Variants in SLC12A9 observed in about 807,000 individuals in gnomAD.
SLC12A9 encodes the protein solute carrier family 12 member 9, also known as CCC-interacting protein 1.
A neutral mutation model predicts 66.0 loss-of-function variants in SLC12A9; 55 were observed. That is an observed-to-expected ratio of 0.83 (90% CI 0.67 to 1.04). The LOEUF (loss-of-function observed/expected upper bound fraction) is 1.04, where lower values mean the gene tolerates loss of function less well. Ranked by LOEUF, SLC12A9 falls within the 50% of genes least tolerant of loss-of-function variation. SLC12A9 has a pLI of 0.00. For missense variants in SLC12A9, 1,061 were observed against 1,241.9 expected, an observed-to-expected ratio of 0.85 and a Z score of 2.19; for synonymous variants, 577 against 569.0, an observed-to-expected ratio of 1.01 and a Z score of -0.20.
At chr7:100,831,053 C>T (rs1296658340) in intron 1 of SLC12A9, among the ~76,000 whole-genome samples, 6 of 152,218 alleles carry the variant, frequency 3.9e-5, no homozygotes, top group African/African-American at 1.4e-4. Context: ...CTGTTCCCTA[C>T]CCAAAATATT....
At chr7:100,865,157 C>T (rs769021735) in intron 13 of SLC12A9, 92 of 1,058,450 alleles carry the variant, frequency 8.7e-5, no homozygotes, top group African/African-American at 2.7e-4. Context: ...AGCATTTCAC[C>T]GTATTGGCCA....
At chr7:100,856,498 G>A (rs1456260058) in intron 4 of SLC12A9, 9 of 185,394 alleles carry the variant, frequency 4.9e-5, no homozygotes, top group Admixed American at 5.9e-5. Flanking sequence ...GTGAGCCCCG[G>A]CGCCCTGCCC....
Position 100,861,778 on chromosome 7 carries a change from C to T in SLC12A9, c.1578C>T (p.His526=), listed in dbSNP as rs146144154. The change falls in exon 12 of 14, where the codon CAC becomes CAT. Residue 526 remains histidine, a synonymous_variant. Transcript: ENST00000354161. This position sits in a 1 kb window ranked among gnomAD's most constrained non-coding sequence, Gnocchi z 5.3. ...TTCGGCTGGACGTCCGGAAGGATCA[C>T]GTGAAGTTCTGGCGGCCCCAGCTGC... is the stretch of plus-strand genomic sequence containing the variant. The part of the protein sequence containing the change: ...YLLRLDVRKD[H]VKFWRPQLLL... 464 of 1,614,094 alleles carry T rather than the reference C, an allele frequency of 2.9e-4. No homozygotes were observed. In the African/African-American group the frequency reaches 3.2e-3, roughly 11 times the overall value.
At chr7:100,839,167 A>G (rs1433946938) in intron 1 of SLC12A9, among the ~76,000 whole-genome samples, 1 of 152,072 alleles carries the variant, frequency 6.6e-6, no homozygotes, top group African/African-American at 2.4e-5. Flanking sequence ...ACTAAAAAAT[A>G]CAAAAAAATT....
At chr7:100,852,020 G>A (rs1227100039), upstream of SLC12A9, among the ~76,000 whole-genome samples, 1 of 152,158 alleles carries the variant, frequency 6.6e-6, no homozygotes, top group African/African-American at 2.4e-5. Flanking sequence ...TTACATATGA[G>A]GACGCGTTGG....
At chr7:100,855,370 C>T in intron 3 of SLC12A9, 2 of 302,570 alleles carry the variant, frequency 6.6e-6, no homozygotes, top group Non-Finnish European at 1.3e-5. Flanking sequence ...GATCCTCCTG[C>T]CTCAGCCTCC....
chr7:100,840,910 T>G (rs563294868), intron 1 of SLC12A9, among the ~76,000 whole-genome samples: 1 of 152,054 alleles, frequency 6.6e-6, no homozygotes, highest in Non-Finnish European at 1.5e-5. Context: ...CACTGAGGCC[T>G]TCCTATCAAA....
In SLC12A9 at chr7:100,865,917, C is replaced by A; in HGVS notation, c.2057C>A (p.Thr686Lys). 6.2e-7 allele frequency: 1 copy of A among 1,613,442 alleles called. No individual in the cohort carries two copies. Among genetic ancestry groups the A allele is most frequent in the Non-Finnish European group, 8.5e-7 (1 of 1,179,980 alleles). ...RALNPQDYVATVADALKMNKN... is the reference protein window; with the variant it reads ...RALNPQDYVAKVADALKMNKN... ...CTCAATCCCCAGGACTATGTGGCCA[C>A]GGTGGCCGACGCCCTCAAGATGAAC... is the stretch of plus-strand genomic sequence containing the variant. The change falls in exon 14 of 14, where the codon ACG becomes AAG. Residue 686 changes from threonine (T) to lysine (K), a missense_variant. Thr to Lys is a moderately conservative substitution (Grantham distance 78). Transcript: ENST00000354161.
intron 1 of SLC12A9, among the ~76,000 whole-genome samples, chr7:100,829,655 G>C (rs1813505184): frequency 6.6e-6 from 1 of 152,112 alleles, no homozygotes; most frequent in African/African-American, 2.4e-5. Flanking sequence ...CTCCCTCGGG[G>C]TTCTCTGCAA....
chr7:100,866,191 G>A lies in SLC12A9; in HGVS notation c.2331G>A (p.Ala777=), dbSNP rs904723252. 1.5e-5 allele frequency: 24 copies of A among 1,611,596 alleles called. No individual in the cohort carries two copies. Among genetic ancestry groups the A allele is most frequent in the South Asian group, 4.4e-5 (4 of 91,000 alleles). Residue 777 remains alanine (A), a synonymous_variant, in exon 14 of 14, where the codon GCG becomes GCA. Coordinates refer to ENST00000354161, the MANE Select transcript of SLC12A9 (RefSeq NM_020246.4). This position sits in a 1 kb window ranked among gnomAD's most constrained non-coding sequence, Gnocchi z 7.3. ...TCCTGTGCCTGGGGCCTCGGGAGGCGCCTGGGGCGGCCGAGGGGCGGCTGC... is the reference window on the plus strand; with the variant it reads ...TCCTGTGCCTGGGGCCTCGGGAGGCACCTGGGGCGGCCGAGGGGCGGCTGC... ...RIFLCLGPRE[A]PGAAEGRLRA... is the part of the protein sequence containing the mutation.
upstream of SLC12A9, among the ~76,000 whole-genome samples, chr7:100,849,895 CAG>C (rs903081484): frequency 1.2e-4 from 18 of 149,460 alleles, no homozygotes; most frequent in Non-Finnish European, 2.2e-4. Context: ...TTTTTTGAGT[CAG>C]AGTCTCGCTC....
upstream of SLC12A9, among the ~76,000 whole-genome samples, chr7:100,848,620 T>C (rs147397717): frequency 0.025 from 3,804 of 152,090 alleles, 164 homozygotes; most frequent in African/African-American, 0.087. Flanking sequence ...GGCGCAGTGG[T>C]TCACGCCTGT....
At chr7:100,856,114 T>C (rs1041538973) in intron 4 of SLC12A9, 1 of 265,184 alleles carries the variant, frequency 3.8e-6, no homozygotes, top group South Asian at 7.0e-5. Flanking sequence ...AGGATGGAGC[T>C]AAGAGGGAAG....
intron 1 of SLC12A9, among the ~76,000 whole-genome samples, chr7:100,838,700 T>G (rs866718804): frequency 1.5e-4 from 23 of 152,222 alleles, no homozygotes; most frequent in African/African-American, 5.3e-4. Flanking sequence ...GCATTTTTAG[T>G]AAAGGAGGAG....
At chr7:100,837,699 G>T (rs559532757) in intron 1 of SLC12A9, 1 of 152,176 alleles carries the variant, frequency 6.6e-6, no homozygotes, top group Non-Finnish European at 1.5e-5. Context: ...TCTCTCTGTT[G>T]CCTAGGCTGA....
chr7:100,837,580 C>T (rs1813687226), intron 1 of SLC12A9: 1 of 152,250 alleles, frequency 6.6e-6, no homozygotes, highest in South Asian at 2.1e-4. Context: ...CGGAGGATTC[C>T]TGCAGCCACA....
At chr7:100,839,009 T>TA (rs563681671) in intron 1 of SLC12A9, among the ~76,000 whole-genome samples, 125 of 152,032 alleles carry the variant, frequency 8.2e-4, no homozygotes, top group African/African-American at 2.8e-3. Context: ...TGCACCCCCT[T>TA]AGAGTTGTGA....
chr7:100,835,341 C>T (rs1330917167), intron 1 of SLC12A9, among the ~76,000 whole-genome samples: 13 of 138,612 alleles, frequency 9.4e-5, no homozygotes, highest in East Asian at 2.1e-4. Flanking sequence ...GGCAACAAAG[C>T]GAGGCTCTGT....
In SLC12A9 at chr7:100,857,019, C is replaced by T. The variant is rs751587180; in HGVS notation, c.600C>T (p.Val200=). The change falls in exon 5 of 14, where the codon GTC becomes GTT. Residue 200 remains valine, a synonymous_variant. Coordinates refer to ENST00000354161, the MANE Select transcript of SLC12A9 (RefSeq NM_020246.4). ...CCTCATTCCTCACATTCCTGCTGGT[C>T]TCTGGCTCCCTGGCCTCTGTGCTCA... The part of the protein sequence containing the change: ...ARASFLTFLL[V]SGSLASVLIS... 84 of 1,614,218 alleles carry T rather than the reference C, an allele frequency of 5.2e-5. No homozygotes were observed. Among genetic ancestry groups the T allele is most frequent in the Non-Finnish European group, 7.0e-5 (83 of 1,180,046 alleles).
Sources: allele counts gnomAD v4.1 joint callset (sites outside exome capture counted in the v4.1 genomes callset), GRCh38; gene constraint gnomAD v4.1.1; non-coding constraint Gnocchi (gnomAD v3.1); transcripts MANE v1.5; gene names NCBI Gene and HGNC (gene_info 2026-07-23, HGNC 2026-07-21).